NOL4: variants seen among roughly 807,000 people sequenced by gnomAD.
NOL4 encodes nucleolar protein 4, also known as cancer/testis antigen 125.
NOL4 carries 17 observed loss-of-function variants against 75.9 expected under a neutral mutation model. The observed-to-expected ratio is 0.22, with a 90% CI of 0.15 to 0.34. NOL4 has a LOEUF of 0.34. Among genes scored for constraint, NOL4 ranks in the 10% least tolerant of loss-of-function variants. The pLI is 1.00. For missense variants in NOL4, 614 were observed against 793.5 expected, an observed-to-expected ratio of 0.77 and a Z score of 2.72; for synonymous variants, 292 against 289.9, an observed-to-expected ratio of 1.01 and a Z score of -0.07.
intron 10 of NOL4, among the ~76,000 whole-genome samples, chr18:33,871,350 G>C (rs1396533072): frequency 3.3e-5 from 5 of 151,878 alleles, no homozygotes; most frequent in African/African-American, 9.7e-5. Flanking sequence ...ATCAGTACCC[G>C]AGCCCAGGAA....
At chr18:34,219,253 T>C (rs2037129967) in intron 1 of NOL4, among the ~76,000 whole-genome samples, 1 of 152,240 alleles carries the variant, frequency 6.6e-6, no homozygotes, top group Non-Finnish European at 1.5e-5. Flanking sequence ...TGTCTGTTCC[T>C]ACAAATATAG....
intron 1 of NOL4, among the ~76,000 whole-genome samples, chr18:34,163,945 C>T (rs1025840292): frequency 1.8e-4 from 28 of 152,122 alleles, no homozygotes; most frequent in African/African-American, 5.6e-4. Context: ...CGCTTATCTA[C>T]AACTATCTGA....
At chr18:33,963,584 T>G (rs1466164921) in intron 6 of NOL4, among the ~76,000 whole-genome samples, 1 of 152,072 alleles carries the variant, frequency 6.6e-6, no homozygotes, top group Non-Finnish European at 1.5e-5. Context: ...AGATCCAAAG[T>G]TATTAAAGAA....
chr18:34,015,585 C>T (rs929704428), intron 6 of NOL4, among the ~76,000 whole-genome samples: 1 of 151,932 alleles, frequency 6.6e-6, no homozygotes. Flanking sequence ...TGCGAGGTGA[C>T]ATATTTCAAC....
At chr18:33,970,003 C>T (rs1182615325) in intron 6 of NOL4, among the ~76,000 whole-genome samples, 1 of 152,040 alleles carries the variant, frequency 6.6e-6, no homozygotes, top group Non-Finnish European at 1.5e-5. Context: ...TGAAATCGCC[C>T]AAAGGACTTG....
intron 9 of NOL4, among the ~76,000 whole-genome samples, chr18:33,895,532 A>G (rs1358445285): frequency 6.6e-6 from 1 of 152,174 alleles, no homozygotes; most frequent in African/African-American, 2.4e-5. Context: ...GATTACAGAT[A>G]TAAGTTATTT....
intron 6 of NOL4, among the ~76,000 whole-genome samples, chr18:33,973,109 T>C (rs2145895102): frequency 6.6e-6 from 1 of 152,368 alleles, no homozygotes; most frequent in South Asian, 2.1e-4. Context: ...ACTCTGCTGC[T>C]GTTTAATCAA....
intron 9 of NOL4, among the ~76,000 whole-genome samples, chr18:33,913,986 A>G (rs80315573): frequency 0.014 from 2,166 of 152,248 alleles, 51 homozygotes; most frequent in African/African-American, 0.049. Flanking sequence ...AGTGTAGAGA[A>G]TAAACATAGC....
intron 6 of NOL4, among the ~76,000 whole-genome samples, chr18:33,988,444 G>A (rs763473109): frequency 6.6e-6 from 1 of 152,038 alleles, no homozygotes; most frequent in Non-Finnish European, 1.5e-5. Flanking sequence ...CTCAACCCAG[G>A]AAATGGTCCA....
chr18:33,881,681 C>T (rs1360815523), intron 10 of NOL4, among the ~76,000 whole-genome samples: 1 of 152,152 alleles, frequency 6.6e-6, no homozygotes, highest in Non-Finnish European at 1.5e-5. Context: ...CAATGCCTTT[C>T]TTCACAGAAT....
intron 2 of NOL4, among the ~76,000 whole-genome samples, chr18:34,113,554 T>C (rs1285263373): frequency 1.3e-5 from 2 of 152,132 alleles, no homozygotes; most frequent in Non-Finnish European, 2.9e-5. Context: ...GGAGGCTCAC[T>C]TGAGCCCATG....
chr18:33,971,913 C>T (rs1427848453), intron 6 of NOL4, among the ~76,000 whole-genome samples: 4 of 152,004 alleles, frequency 2.6e-5, no homozygotes, highest in Admixed American at 6.6e-5. Context: ...TACCTGTAAT[C>T]CCAGCACTTT....
At chr18:34,221,787 TA>T (rs941898792) in intron 1 of NOL4, among the ~76,000 whole-genome samples, 10 of 152,006 alleles carry the variant, frequency 6.6e-5, no homozygotes, top group Non-Finnish European at 1.0e-4. Context: ...AATAATGCTT[TA>T]AAAAAAACTT....
chr18:33,923,930 G>A (rs2067182085), intron 9 of NOL4, among the ~76,000 whole-genome samples: 1 of 152,046 alleles, frequency 6.6e-6, no homozygotes, highest in Non-Finnish European at 1.5e-5. Context: ...CTGGTGGATG[G>A]TGCCACTAGT....
At chr18:34,136,060 A>G (rs2080878797) in intron 1 of NOL4, among the ~76,000 whole-genome samples, 1 of 152,166 alleles carries the variant, frequency 6.6e-6, no homozygotes, top group African/African-American at 2.4e-5. Flanking sequence ...TTAATATATC[A>G]TATTAATACA....
intron 9 of NOL4, among the ~76,000 whole-genome samples, chr18:33,939,318 T>A (rs2068298201): frequency 6.6e-6 from 1 of 152,134 alleles, no homozygotes; most frequent in East Asian, 1.9e-4. Context: ...GTGAAGAAAG[T>A]CAATGGTAGC....
intron 10 of NOL4, among the ~76,000 whole-genome samples, chr18:33,877,206 A>G (rs1164294753): frequency 6.6e-6 from 1 of 151,936 alleles, no homozygotes; most frequent in African/African-American, 2.4e-5. Flanking sequence ...TGTCCTTGAG[A>G]TATCATCATC....
chr18:33,903,683 C>T (rs1356430104), intron 9 of NOL4, among the ~76,000 whole-genome samples: 3 of 152,134 alleles, frequency 2.0e-5, no homozygotes, highest in African/African-American at 7.2e-5. Context: ...ATCCTTGATG[C>T]TAGATAGTTT....
chr18:33,988,051 G>A (rs2072605023), intron 6 of NOL4, among the ~76,000 whole-genome samples: 1 of 152,070 alleles, frequency 6.6e-6, no homozygotes, highest in Non-Finnish European at 1.5e-5. Flanking sequence ...ACAGGGGGAA[G>A]GGCTCACTTA....
Sources: gnomAD v4.1 joint callset for allele counts (sites outside exome capture counted in the v4.1 genomes callset) on GRCh38, gnomAD v4.1.1 for gene constraint, MANE v1.5 for transcripts, NCBI Gene and HGNC (gene_info 2026-07-23, HGNC 2026-07-21) for gene names.